LEPROTL1: variants seen among roughly 807,000 people sequenced by gnomAD.
LEPROTL1 encodes the protein leptin receptor overlapping transcript like 1, also known as leptin receptor overlapping transcript-like 1.
LEPROTL1 carries 6 observed loss-of-function variants against 15.4 expected under a neutral mutation model. The ratio of observed to expected loss-of-function variants is 0.39; its 90% CI spans 0.21 to 0.77. The LOEUF (loss-of-function observed/expected upper bound fraction) is 0.77. Ranked by LOEUF, LEPROTL1 falls within the 30% of genes least tolerant of loss-of-function variation. The pLI is 0.41. For synonymous variants in LEPROTL1, 56 were observed against 52.6 expected, an observed-to-expected ratio of 1.06 and a Z score of -0.28; for missense variants, 128 against 158.1, an observed-to-expected ratio of 0.81 and a Z score of 1.02.
In LEPROTL1 at chr8:30,107,048, T is replaced by C. The variant is rs1201236286; in HGVS notation, c.*1186T>C. 2 of 973,120 alleles carry C rather than the reference T, an allele frequency of 2.1e-6. No homozygotes were observed. The highest frequency in any genetic ancestry group is 3.5e-5 in the African/African-American group (2 of 56,958). The allele number at this position is 973,120 out of a possible 1,614,324, so 60.3% of individuals were successfully genotyped here. A position where few individuals can be genotyped will look rare whatever the true frequency, so the allele number is the denominator to read the frequency against. ...TTTAAGATTTAGACCATGGTAATAG[T>C]AGTTCTTATTCTCTAAGGTTATATC... On this transcript the variant is annotated 3_prime_UTR_variant, in exon 4 of 4. Coordinates refer to ENST00000321250, the MANE Select transcript of LEPROTL1 (RefSeq NM_015344.3).
At chr8:30,116,867 G>A (rs1802749324) in intron 3 of LEPROTL1, among the ~76,000 whole-genome samples, 1 of 152,172 alleles carries the variant, frequency 6.6e-6, no homozygotes, top group Non-Finnish European at 1.5e-5. Context: ...TGCATCTGAA[G>A]GGAGGGACAA....
Position 30,123,083 on chromosome 8 carries a change from C to G in LEPROTL1, c.280-9292C>G, listed in dbSNP as rs146434674. Among the ~76,000 whole-genome samples, 553 of 152,266 alleles carry G rather than the reference C, an allele frequency of 3.6e-3. 3 individuals carry two copies. The highest frequency in any genetic ancestry group is 0.012 in the African/African-American group (517 of 41,544). ...TTGGTGCTGGATGTCTAAATGGGAG[C>G]TCAGCTAGTATGAAGGCCAGGGGTC... On this transcript the variant is annotated intron_variant, in intron 3 of 4. Coordinates refer to the LEPROTL1 transcript ENST00000442880.
In LEPROTL1 at chr8:30,108,091, A is replaced by T. The variant is rs1441535995; in HGVS notation, c.*2229A>T. Reference sequence around the variant, plus strand: ...ATTTTAGTTTGTGGGTGTTTTTGAAATGAAAATATATGGCACACTTTCATT... The same window carrying T: ...ATTTTAGTTTGTGGGTGTTTTTGAATTGAAAATATATGGCACACTTTCATT... On this transcript the variant is annotated 3_prime_UTR_variant, in exon 4 of 4. Coordinates refer to ENST00000321250, the MANE Select transcript of LEPROTL1 (RefSeq NM_015344.3). The T allele has an allele frequency of 1.4e-6, 1 of 709,376 alleles. No homozygotes were observed. The highest frequency in any genetic ancestry group is 1.9e-5 in the African/African-American group (1 of 52,074). The allele number at this position is 709,376 out of a possible 1,614,324, so 43.9% of individuals were successfully genotyped here. A position where few individuals can be genotyped will look rare whatever the true frequency, so the allele number is the denominator to read the frequency against.
intron 2 of LEPROTL1, among the ~76,000 whole-genome samples, chr8:30,103,975 C>A (rs1307482835): frequency 6.6e-6 from 1 of 152,114 alleles, no homozygotes; most frequent in Non-Finnish European, 1.5e-5. Context: ...TCTTACATAA[C>A]CATAGTTATC....
At position 30,108,443 on chromosome 8, in the gene LEPROTL1, G is replaced by A. The variant is rs1485227827; in HGVS notation, c.*2581G>A. On this transcript the variant is annotated 3_prime_UTR_variant, in exon 4 of 4. Coordinates refer to ENST00000321250, the MANE Select transcript of LEPROTL1 (RefSeq NM_015344.3). Reference sequence around the variant, plus strand: ...TTATTACCACTCATTATTATAGCATGTTACTTTTTGCAAACATTTTAAACA... The same window carrying A: ...TTATTACCACTCATTATTATAGCATATTACTTTTTGCAAACATTTTAAACA... 6.6e-6 allele frequency: 1 copy of A among 152,132 alleles called. No homozygotes were observed. The highest frequency in any genetic ancestry group is 1.5e-5 in the Non-Finnish European group (1 of 68,032). The allele number at this position is 152,132 out of a possible 1,614,324, so 9.4% of individuals were successfully genotyped here.
intron 1 of LEPROTL1, among the ~76,000 whole-genome samples, chr8:30,098,420 G>A (rs1487725508): frequency 6.6e-6 from 1 of 152,072 alleles, no homozygotes; most frequent in Non-Finnish European, 1.5e-5. Flanking sequence ...AGAACTTAAG[G>A]GTCTGTTTAT....
intron 3 of LEPROTL1, chr8:30,132,179 C>A (rs771371623): frequency 6.4e-7 from 1 of 1,551,834 alleles, no homozygotes; most frequent in East Asian, 2.4e-5. Flanking sequence ...ATCAGGTAGT[C>A]AGCTTCCACC....
chr8:30,123,663 T>C (rs571769761), intron 3 of LEPROTL1, among the ~76,000 whole-genome samples: 1 of 152,334 alleles, frequency 6.6e-6, no homozygotes, highest in South Asian at 2.1e-4. Context: ...GAAGTATGTT[T>C]GCATGGTTCC....
chr8:30,117,314 C>G (rs1450554400), intron 3 of LEPROTL1: 11 of 701,204 alleles, frequency 1.6e-5, no homozygotes, highest in Admixed American at 1.5e-4. Context: ...ATAGTGAGAC[C>G]CTGTTTCTTT....
At chr8:30,097,393 C>T (rs1802383575) in intron 1 of LEPROTL1, among the ~76,000 whole-genome samples, 1 of 151,952 alleles carries the variant, frequency 6.6e-6, no homozygotes, top group Non-Finnish European at 1.5e-5. Context: ...AGTATTTAAT[C>T]CTGGCGCGGT....
chr8:30,112,624 A>G (rs1802672134), downstream of LEPROTL1, among the ~76,000 whole-genome samples: 1 of 151,752 alleles, frequency 6.6e-6, no homozygotes, highest in Non-Finnish European at 1.5e-5. Context: ...CATAGGGGCT[A>G]CATACCAGGT....
At chr8:30,108,672 G>C (rs1190313529), downstream of LEPROTL1, 1 of 139,600 alleles carries the variant, frequency 7.2e-6, no homozygotes, top group African/African-American at 2.7e-5. Flanking sequence ...GACTTGCTTT[G>C]TGCCCAGGCT....
rs182454506 is a variant in LEPROTL1 at position 30,136,651 on chromosome 8, C to T, written c.395-621C>T. Reference sequence around the variant, plus strand: ...TCCATCCCATTTGGTACTTCCTACGCCCCACCCACCTGCCATCTTGCCTTT... The same window carrying T: ...TCCATCCCATTTGGTACTTCCTACGTCCCACCCACCTGCCATCTTGCCTTT... On this transcript the variant is annotated intron_variant, in intron 4 of 4. Coordinates refer to the LEPROTL1 transcript ENST00000442880. 3.9e-5 allele frequency among the ~76,000 whole-genome samples: 6 copies of T among 152,258 alleles called. No individual in the cohort carries two copies. In the East Asian group the frequency reaches 1.2e-3, roughly 29 times the overall value.
At chr8:30,138,249 T>G (rs1803189865), downstream of LEPROTL1, 1 of 280,538 alleles carries the variant, frequency 3.6e-6, no homozygotes. Context: ...GAATTACTCT[T>G]TCTTTACTGC....
chr8:30,109,985 T>C (rs573546384), downstream of LEPROTL1, among the ~76,000 whole-genome samples: 15 of 152,288 alleles, frequency 9.8e-5, no homozygotes, highest in African/African-American at 3.4e-4. Context: ...TACACTTTAA[T>C]GTTGGGGTTA....
intron 3 of LEPROTL1, among the ~76,000 whole-genome samples, chr8:30,122,751 C>A (rs558267133): frequency 2.4e-4 from 36 of 152,166 alleles, no homozygotes; most frequent in African/African-American, 8.7e-4. Flanking sequence ...GCTGAGATCG[C>A]GCCACTGCAC....
intron 2 of LEPROTL1, 92 bp downstream of exon 2, chr8:30,102,065 A>C (rs1411923068): frequency 6.0e-6 from 4 of 664,708 alleles, no homozygotes; most frequent in Non-Finnish European, 1.0e-5. Flanking sequence ...CTGTAAAAGT[A>C]ATGCAGAGAA....
chr8:30,106,490 G>T lies in LEPROTL1; in HGVS notation c.*628G>T. 1.0e-6 allele frequency: 1 copy of T among 985,804 alleles called. No homozygotes were observed. The highest frequency in any genetic ancestry group is 1.2e-6 in the Non-Finnish European group (1 of 829,908). The allele number at this position is 985,804 out of a possible 1,614,324, so 61.1% of individuals were successfully genotyped here. ...GGTTTTACTGGTAGACAGATGTTTTGTGGATTGAAAATTATTTTATGGAAT... is the reference window on the plus strand; with the variant it reads ...GGTTTTACTGGTAGACAGATGTTTTTTGGATTGAAAATTATTTTATGGAAT... On this transcript the variant is annotated 3_prime_UTR_variant, in exon 4 of 4. Transcript: ENST00000321250.
chr8:30,114,341 A>G (rs11784944), intron 3 of LEPROTL1, among the ~76,000 whole-genome samples: 130,665 of 151,918 alleles, frequency 0.86, 57,356 homozygotes, highest in South Asian at 0.98. Flanking sequence ...CCCAGGCTGG[A>G]ATACAGTGAT....
Sources: allele counts gnomAD v4.1 joint callset (sites outside exome capture counted in the v4.1 genomes callset), GRCh38; gene constraint gnomAD v4.1.1; transcripts MANE v1.5; gene names NCBI Gene and HGNC (gene_info 2026-07-23, HGNC 2026-07-21).